The following PDE4D variants were observed in gnomAD, a reference collection of about 807,000 sequenced individuals.
PDE4D encodes the protein phosphodiesterase 4D.
In PDE4D, 24 loss-of-function variants were observed where a neutral mutation model predicts 87.4. The ratio of observed to expected loss-of-function variants is 0.27; its 90% confidence interval spans 0.20 to 0.39. The LOEUF (loss-of-function observed/expected upper bound fraction) is 0.39. Ranked by LOEUF, PDE4D falls within the 10% of genes least tolerant of loss-of-function variation. The pLI, the probability that PDE4D is intolerant of heterozygous loss-of-function variation, is 1.00. For synonymous variants in PDE4D, 384 were observed against 383.2 expected, an observed-to-expected ratio of 1.00 and a Z score of -0.02; for missense variants, 714 against 1,041.0, an observed-to-expected ratio of 0.69 and a Z score of 4.32.
chr5:59,683,275 A>G (rs1290752227), intron 1 of PDE4D, among the ~76,000 whole-genome samples: 2 of 152,206 alleles, frequency 1.3e-5, no homozygotes, highest in Admixed American at 1.3e-4. Context: ...GAGATTGAAT[A>G]AAGTAAATGT....
intron 1 of PDE4D, among the ~76,000 whole-genome samples, chr5:59,770,239 T>C (rs1219579868): frequency 1.3e-5 from 2 of 152,168 alleles, no homozygotes; most frequent in African/African-American, 4.8e-5. Context: ...GTATTGTCTA[T>C]ATATATACTA....
intron 1 of PDE4D, among the ~76,000 whole-genome samples, chr5:59,754,852 C>T (rs1761002260): frequency 8.9e-6 from 1 of 112,818 alleles, no homozygotes; most frequent in South Asian, 3.1e-4. Flanking sequence ...CAGGTAAGAA[C>T]TTAATAATTA....
At chr5:60,063,200 T>A (rs1771679816) in intron 2 of PDE4D, among the ~76,000 whole-genome samples, 1 of 143,652 alleles carries the variant, frequency 7.0e-6, no homozygotes, top group Admixed American at 6.9e-5. Context: ...AAGAAAGAAT[T>A]TGGTAATTGG....
intron 1 of PDE4D, among the ~76,000 whole-genome samples, chr5:59,344,997 A>C (rs1779385583): frequency 6.6e-6 from 1 of 152,158 alleles, no homozygotes; most frequent in Admixed American, 6.5e-5. Flanking sequence ...AGCCGGATTG[A>C]TATCATCAAT....
At chr5:60,408,047 A>G (rs1741716273) in intron 1 of PDE4D, among the ~76,000 whole-genome samples, 1 of 152,038 alleles carries the variant, frequency 6.6e-6, no homozygotes, top group Non-Finnish European at 1.5e-5. Flanking sequence ...ACATGCAACC[A>G]CCAGGCTGTA....
chr5:59,849,379 A>G (rs1744343039), intron 1 of PDE4D, among the ~76,000 whole-genome samples: 1 of 152,042 alleles, frequency 6.6e-6, no homozygotes, highest in Non-Finnish European at 1.5e-5. Context: ...AGAGCAACAA[A>G]GAGACATGAA....
At chr5:60,341,480 T>C (rs1758312699) in intron 1 of PDE4D, among the ~76,000 whole-genome samples, 1 of 152,092 alleles carries the variant, frequency 6.6e-6, no homozygotes, top group African/African-American at 2.4e-5. Context: ...GAAGTGGAGC[T>C]GGAGGGGTAA....
intron 5 of PDE4D, chr5:59,039,416 A>C (rs963914017): frequency 1.0e-6 from 1 of 995,014 alleles, no homozygotes; most frequent in Non-Finnish European, 1.2e-6. Context: ...TCGGTCCCCA[A>C]CCCGGAGCCG....
chr5:59,499,419 AAAATC>A (rs1807860851), intron 1 of PDE4D, among the ~76,000 whole-genome samples: 1 of 151,856 alleles, frequency 6.6e-6, no homozygotes. Context: ...AGAAATAACT[AAAATC>A]AGAACAGAAT....
intron 1 of PDE4D, among the ~76,000 whole-genome samples, chr5:59,626,296 T>C (rs1579959838): frequency 6.6e-6 from 1 of 152,344 alleles, no homozygotes; most frequent in South Asian, 2.1e-4. Context: ...TATGGAACCA[T>C]GGTAATGGTC....
intron 1 of PDE4D, among the ~76,000 whole-genome samples, chr5:59,547,852 T>G (rs1413635717): frequency 6.6e-6 from 1 of 152,154 alleles, no homozygotes; most frequent in Non-Finnish European, 1.5e-5. Flanking sequence ...GCCTGGTCAG[T>G]CAGTCACAAT....
chr5:59,093,031 C>T (rs548029818), intron 5 of PDE4D, among the ~76,000 whole-genome samples: 1 of 152,118 alleles, frequency 6.6e-6, no homozygotes, highest in South Asian at 2.1e-4. Context: ...ACACACCCAC[C>T]CACAAAGGCA....
At chr5:60,207,532 C>G (rs574029623) in intron 1 of PDE4D, among the ~76,000 whole-genome samples, 20 of 152,232 alleles carry the variant, frequency 1.3e-4, no homozygotes, top group Non-Finnish European at 2.4e-4. Context: ...TCATAACCTT[C>G]TCTCATAATT....
At chr5:60,364,080 A>G (rs956788591) in intron 1 of PDE4D, among the ~76,000 whole-genome samples, 4 of 152,202 alleles carry the variant, frequency 2.6e-5, no homozygotes, top group African/African-American at 9.6e-5. Flanking sequence ...AAATTGGTCA[A>G]ACTTCTCAAT....
At chr5:60,222,369 T>C (rs1426450809) in intron 1 of PDE4D, among the ~76,000 whole-genome samples, 2 of 152,042 alleles carry the variant, frequency 1.3e-5, no homozygotes, top group Non-Finnish European at 2.9e-5. Context: ...ACCTGAAATC[T>C]CATGAAAGAC....
At chr5:59,033,807 C>G (rs573059689) in intron 6 of PDE4D, among the ~76,000 whole-genome samples, 39 of 151,888 alleles carry the variant, frequency 2.6e-4, no homozygotes, top group African/African-American at 9.4e-4. Context: ...CACTACTACC[C>G]CAAATATTAA....
intron 1 of PDE4D, among the ~76,000 whole-genome samples, chr5:60,271,702 C>T (rs908197592): frequency 6.6e-6 from 1 of 152,162 alleles, no homozygotes; most frequent in African/African-American, 2.4e-5. Context: ...GTAAAAACAG[C>T]TCCATGTGTC....
intron 1 of PDE4D, among the ~76,000 whole-genome samples, chr5:59,584,401 T>A (rs1416041261): frequency 3.9e-5 from 6 of 152,206 alleles, no homozygotes; most frequent in Admixed American, 2.0e-4. Context: ...CATTCTACAT[T>A]GGCTTAGTTT....
chr5:59,392,524 T>TATATATATATATATATATATATATATATA (rs1562093627), intron 1 of PDE4D, among the ~76,000 whole-genome samples: 1 of 149,420 alleles, frequency 6.7e-6, no homozygotes, highest in African/African-American at 2.5e-5. Flanking sequence ...TATATATATA[T>TATATATATATATATATATATATATATATA]TCCATTAATT....
Sources: allele counts gnomAD v4.1 joint callset (sites outside exome capture counted in the v4.1 genomes callset), GRCh38; gene constraint gnomAD v4.1.1; transcripts MANE v1.5; gene names NCBI Gene and HGNC (gene_info 2026-07-23, HGNC 2026-07-21).